MAD2L1BP: variants seen among roughly 807,000 people sequenced by gnomAD.
MAD2L1BP encodes MAD2L1 binding protein.
In MAD2L1BP, 22 loss-of-function variants were observed where a neutral mutation model predicts 28.4. The observed-to-expected ratio is 0.77, with a 90% CI of 0.55 to 1.10. The LOEUF is 1.10. Ranked by LOEUF, MAD2L1BP falls within the 50% of genes least tolerant of loss-of-function variation. The probability of loss-of-function intolerance (pLI) is 0.00; values close to 1 mark genes in which losing one functional copy is unlikely to be tolerated. For synonymous variants in MAD2L1BP, 146 were observed against 133.7 expected (o/e 1.09, Z -0.63); for missense variants, 325 against 350.5 (o/e 0.93, Z 0.58).
At position 43,640,593 on chromosome 6, in the gene MAD2L1BP, G is replaced by A; in HGVS notation, c.*60G>A. 1 of 1,499,664 alleles carries A rather than the reference G, an allele frequency of 6.7e-7. No individual in the cohort carries two copies. Among genetic ancestry groups the A allele is most frequent in the Non-Finnish European group, 8.9e-7 (1 of 1,123,036 alleles). The allele number at this position is 1,499,664 out of a possible 1,614,324, so 92.9% of individuals were successfully genotyped here. A position where few individuals can be genotyped will look rare whatever the true frequency, so the allele number is the denominator to read the frequency against. On this transcript the variant is annotated 3_prime_UTR_variant, in exon 3 of 3. Coordinates refer to ENST00000372171, the MANE Select transcript of MAD2L1BP (RefSeq NM_014628.3). The stretch of plus-strand genomic sequence containing the variant: ...GAATTATCTTTCTCCATGTGGCGCT[G>A]AATCACCCATCTGGTTTGGAGCTAG...
chr6:43,636,397 G>C lies in MAD2L1BP; in HGVS notation c.63G>C (p.Glu21Asp). The change falls in exon 2 of 3, where the codon GAG becomes GAC. Residue 21 changes from glutamate to aspartate, a missense_variant. Coordinates refer to ENST00000372171, the MANE Select transcript of MAD2L1BP (RefSeq NM_014628.3). Reference protein sequence around the residue: ...SAAVPDLEWYEKSEETHASQI... With the variant: ...SAAVPDLEWYDKSEETHASQI... ...ATCTACCAGATTTGGAGTGGTATGA[G>C]AAGTCCGAAGAAACTCACGCCTCCC... The C allele has an allele frequency of 1.2e-6, 2 of 1,614,110 alleles. No homozygotes were observed. Among genetic ancestry groups the C allele is most frequent in the East Asian group, 2.2e-5 (1 of 44,876 alleles).
chr6:43,631,844 G>A (rs1461864645), upstream of MAD2L1BP, among the ~76,000 whole-genome samples: 2 of 152,044 alleles, frequency 1.3e-5, no homozygotes, highest in Non-Finnish European at 2.9e-5. Context: ...TTGGGAGGCC[G>A]AGATGGGAGA....
upstream of MAD2L1BP, among the ~76,000 whole-genome samples, chr6:43,633,004 A>G (rs1211310778): frequency 6.6e-6 from 1 of 151,782 alleles, no homozygotes; most frequent in East Asian, 1.9e-4. Flanking sequence ...CCTGGGCAAC[A>G]CGAGCAAAAC....
chr6:43,634,390 T>A (rs1018955413), upstream of MAD2L1BP, among the ~76,000 whole-genome samples: 1 of 151,378 alleles, frequency 6.6e-6, no homozygotes, highest in South Asian at 2.1e-4. Flanking sequence ...TGGCTAACTT[T>A]AAAAAAAAAT....
upstream of MAD2L1BP, chr6:43,633,383 G>T: frequency 1.3e-5 from 4 of 300,210 alleles, no homozygotes; most frequent in South Asian, 9.9e-5. Flanking sequence ...TGTTGGTCAG[G>T]CTGGTCTCAA....
At position 43,636,524 on chromosome 6, in the gene MAD2L1BP, G is replaced by A. The variant is rs1031853267; in HGVS notation, c.190G>A (p.Val64Met). ...CMVPVVFPGPVSQEGCCQFTC... is the reference protein window; with the variant it reads ...CMVPVVFPGPMSQEGCCQFTC... The stretch of plus-strand genomic sequence containing the variant: ...GGTACCAGTGGTGTTTCCTGGGCCT[G>A]TGAGCCAGGAAGGCTGCTGTCAGTT... The change falls in exon 2 of 3, where the codon GTG becomes ATG. Residue 64 changes from valine to methionine, a missense_variant. Transcript: ENST00000372171. 3 of 1,614,066 alleles carry A rather than the reference G, an allele frequency of 1.9e-6. No homozygotes were observed. Among genetic ancestry groups the A allele is most frequent in the Non-Finnish European group, 1.7e-6 (2 of 1,180,040 alleles).
chr6:43,639,168 C>T (rs1770428344), intron 2 of MAD2L1BP, among the ~76,000 whole-genome samples: 1 of 150,666 alleles, frequency 6.6e-6, no homozygotes, highest in South Asian at 2.1e-4. Flanking sequence ...GAGACAGAGT[C>T]TCGCTCTGTC....
chr6:43,635,801 T>G (rs750025920), upstream of MAD2L1BP: 114 of 1,396,648 alleles, frequency 8.2e-5, no homozygotes, highest in Non-Finnish European at 1.0e-4. Flanking sequence ...GAGCCGGAAG[T>G]GGAGGCGCGG....
chr6:43,633,859 G>A (rs937095533), upstream of MAD2L1BP, among the ~76,000 whole-genome samples: 7 of 152,158 alleles, frequency 4.6e-5, no homozygotes, highest in African/African-American at 1.4e-4. Context: ...ACAGGCATGA[G>A]CCACCTTGCC....
rs1319706873 is a variant in MAD2L1BP at position 43,640,130 on chromosome 6, T to C, written c.422T>C (p.Phe141Ser). 6.2e-7 allele frequency: 1 copy of C among 1,611,048 alleles called. No individual in the cohort carries two copies. The highest frequency in any genetic ancestry group is 1.1e-5 in the South Asian group (1 of 90,848). The change falls in exon 3 of 3, where the codon TTC (phenylalanine) becomes TCC (serine). Residue 141 changes from phenylalanine (F) to serine (S), a missense_variant. Coordinates refer to ENST00000372171, the MANE Select transcript of MAD2L1BP (RefSeq NM_014628.3). ...AGTGTCCTCAGCCACCTGGAGGACTTCTTTGCACGGACACTAGTACCGCGA... is the reference window on the plus strand; with the variant it reads ...AGTGTCCTCAGCCACCTGGAGGACTCCTTTGCACGGACACTAGTACCGCGA... ...LESVLSHLED[F>S]FARTLVPRVL...
chr6:43,630,266 A>G (rs796464384), intron 1 of MAD2L1BP, among the ~76,000 whole-genome samples: 4 of 152,242 alleles, frequency 2.6e-5, no homozygotes, highest in South Asian at 4.1e-4. Context: ...ATTCAGCGAC[A>G]TAAGCCAGTG....
At chr6:43,629,700 A>G (rs1256959091) in exon 1 of MAD2L1BP, 1 of 1,546,034 alleles carries the variant, frequency 6.5e-7, no homozygotes. Flanking sequence ...AACTGAGGCT[A>G]CTGGTGCCGC....
intron 2 of MAD2L1BP, among the ~76,000 whole-genome samples, chr6:43,637,386 A>G (rs1465589890): frequency 6.8e-6 from 1 of 147,346 alleles, no homozygotes; most frequent in Non-Finnish European, 1.5e-5. Flanking sequence ...CTTTAATAGC[A>G]TCCTGTTGTT....
exon 1 of MAD2L1BP, chr6:43,629,666 G>A: frequency 7.0e-7 from 1 of 1,434,520 alleles, no homozygotes; most frequent in Non-Finnish European, 9.6e-7. Context: ...CTAGACAACA[G>A]GTTTTGGACC....
chr6:43,631,936 G>T (rs1769945623), upstream of MAD2L1BP, among the ~76,000 whole-genome samples: 1 of 152,114 alleles, frequency 6.6e-6, no homozygotes, highest in Non-Finnish European at 1.5e-5. Context: ...TTTCGCTCTT[G>T]TTGCCCAGGC....
At chr6:43,634,220 C>CTTTTTTTTT (rs751773637), upstream of MAD2L1BP, among the ~76,000 whole-genome samples, 231 of 103,610 alleles carry the variant, frequency 2.2e-3, no homozygotes, top group African/African-American at 5.2e-3. Flanking sequence ...TTCTTTTTTT[C>CTTTTTTTTT]TTTTTTTTTT....
At position 43,629,886 on chromosome 6, in the gene MAD2L1BP, G is replaced by C. The variant is rs1268780492; in HGVS notation, c.20+117G>C. 32 of 1,304,414 alleles carry C rather than the reference G, an allele frequency of 2.5e-5. No individual in the cohort carries two copies. In the Admixed American group the frequency reaches 3.2e-4, roughly 13 times the overall value. The allele number at this position is 1,304,414 out of a possible 1,614,324, so 80.8% of individuals were successfully genotyped here. ...TAGTCACTGCTTTATTACCAGGCTG[G>C]CACCGTCCAGGGGCTGGTTTTAATA... On this transcript the variant is annotated intron_variant, in intron 1 of 3. Coordinates refer to the MAD2L1BP transcript ENST00000451025.
At chr6:43,630,908 C>CAAAAAAAAAAAA (rs753239311), upstream of MAD2L1BP, among the ~76,000 whole-genome samples, 2 of 53,602 alleles carry the variant, frequency 3.7e-5, no homozygotes, top group African/African-American at 1.4e-4. Context: ...GACTTCGTCT[C>CAAAAAAAAAAAA]AAAAAAAAAA....
intron 2 of MAD2L1BP, among the ~76,000 whole-genome samples, chr6:43,638,145 G>T (rs1362807036): frequency 2.0e-5 from 3 of 152,010 alleles, no homozygotes; most frequent in South Asian, 2.1e-4. Context: ...TGATCCGCCC[G>T]CCTTGGCCTC....
Sources: allele counts gnomAD v4.1 joint callset (sites outside exome capture counted in the v4.1 genomes callset), GRCh38; gene constraint gnomAD v4.1.1; transcripts MANE v1.5; gene names NCBI Gene and HGNC (gene_info 2026-07-23, HGNC 2026-07-21).